The following PARP8 variants were observed in gnomAD, a reference collection of about 807,000 sequenced individuals.
PARP8 encodes the protein poly(ADP-ribose) polymerase family member 8.
PARP8 carries 51 observed loss-of-function variants against 124.1 expected under a neutral mutation model. That is an observed-to-expected ratio of 0.41 (90% CI 0.33 to 0.52). The LOEUF is 0.52. Ranked by LOEUF, PARP8 falls within the 20% of genes least tolerant of loss-of-function variation. The pLI, the probability that PARP8 is intolerant of heterozygous loss-of-function variation, is 0.21. For synonymous variants in PARP8, 391 were observed against 361.5 expected (o/e 1.08, Z -0.93); for missense variants, 860 against 1,018.9 (o/e 0.84, Z 2.12).
At chr5:50,742,788 C>G (rs1361893795) in intron 2 of PARP8, among the ~76,000 whole-genome samples, 1 of 152,150 alleles carries the variant, frequency 6.6e-6, no homozygotes, top group African/African-American at 2.4e-5. Context: ...GAGCCCAGGT[C>G]CAGGAGCTGA....
intron 7 of PARP8, among the ~76,000 whole-genome samples, chr5:50,777,790 A>G (rs1306113571): frequency 5.3e-5 from 8 of 152,194 alleles, no homozygotes; most frequent in Admixed American, 5.2e-4. Flanking sequence ...CTAATTTGCC[A>G]CAGAAAACGG....
chr5:50,755,395 A>C (rs1197923037), intron 3 of PARP8, among the ~76,000 whole-genome samples: 2 of 152,200 alleles, frequency 1.3e-5, no homozygotes, highest in African/African-American at 4.8e-5. Flanking sequence ...AGCTTTCCAC[A>C]TATGGCTAGC....
intron 18 of PARP8, among the ~76,000 whole-genome samples, chr5:50,826,242 AT>A (rs1373655594): frequency 6.6e-6 from 1 of 151,798 alleles, no homozygotes. Flanking sequence ...CTTCAATTTA[AT>A]TTTTTTCAAC....
intron 2 of PARP8, among the ~76,000 whole-genome samples, chr5:50,731,345 T>C (rs567993667): frequency 1.3e-5 from 2 of 152,330 alleles, no homozygotes; most frequent in African/African-American, 4.8e-5. Flanking sequence ...TCTTTTGCTC[T>C]TCTGTCCAAA....
At chr5:50,747,928 G>A (rs780831654) in intron 2 of PARP8, among the ~76,000 whole-genome samples, 36 of 151,100 alleles carry the variant, frequency 2.4e-4, no homozygotes, top group Non-Finnish European at 3.7e-4. Flanking sequence ...GCCTGCCACC[G>A]CGCCCGGCTA....
chr5:50,811,088 C>T (rs1744383807), intron 14 of PARP8, among the ~76,000 whole-genome samples: 1 of 152,030 alleles, frequency 6.6e-6, no homozygotes, highest in South Asian at 2.1e-4. Context: ...GCAGAATATA[C>T]CTAGAAATCT....
At chr5:50,813,654 C>G (rs1580430699) in intron 14 of PARP8, among the ~76,000 whole-genome samples, 2 of 152,132 alleles carry the variant, frequency 1.3e-5, no homozygotes, top group East Asian at 3.9e-4. Context: ...TGAGAGAGGG[C>G]ATCCCTGTCT....
chr5:50,682,192 T>A (rs1437111048), intron 2 of PARP8, among the ~76,000 whole-genome samples: 1 of 152,130 alleles, frequency 6.6e-6, no homozygotes, highest in Non-Finnish European at 1.5e-5. Flanking sequence ...ATTGGAAACT[T>A]GTTTTCCCAA....
intron 14 of PARP8, among the ~76,000 whole-genome samples, chr5:50,807,563 A>G (rs1397290558): frequency 6.6e-6 from 1 of 152,156 alleles, no homozygotes; most frequent in East Asian, 1.9e-4. Flanking sequence ...TTGAAAAACA[A>G]TAAAACAAGG....
At chr5:50,731,121 G>A (rs112742236) in intron 2 of PARP8, among the ~76,000 whole-genome samples, 2,004 of 152,326 alleles carry the variant, frequency 0.013, 14 homozygotes, top group Non-Finnish European at 0.021. Context: ...GTTCCGCATG[G>A]AATTGAATGA....
At chr5:50,787,279 A>G (rs1446713941) in intron 9 of PARP8, among the ~76,000 whole-genome samples, 4 of 152,152 alleles carry the variant, frequency 2.6e-5, no homozygotes, top group Admixed American at 6.5e-5. Flanking sequence ...CTCTTTGACC[A>G]GTTGATCCTG....
chr5:50,810,268 A>G (rs1744292496), intron 14 of PARP8, among the ~76,000 whole-genome samples: 1 of 152,024 alleles, frequency 6.6e-6, no homozygotes, highest in South Asian at 2.1e-4. Context: ...AAGAATAGGT[A>G]GTATTTTACA....
intron 12 of PARP8, 51 bp from the exon 13 acceptor site, chr5:50,796,931 C>A: frequency 6.8e-7 from 1 of 1,462,276 alleles, no homozygotes; most frequent in South Asian, 1.2e-5. Context: ...GTAATTTATA[C>A]ATTTTTACAT....
intron 2 of PARP8, among the ~76,000 whole-genome samples, chr5:50,707,442 A>G (rs1372678592): frequency 6.6e-6 from 1 of 152,092 alleles, no homozygotes; most frequent in Non-Finnish European, 1.5e-5. Flanking sequence ...CTTGACAGCT[A>G]CCTAGAATTC....
At chr5:50,797,082 G>T in intron 13 of PARP8, 50 bp downstream of exon 13, 2 of 1,609,058 alleles carry the variant, frequency 1.2e-6, no homozygotes, top group Non-Finnish European at 1.7e-6. Flanking sequence ...TTCTTACGGG[G>T]TTTTTAAATC....
intron 14 of PARP8, among the ~76,000 whole-genome samples, chr5:50,807,020 ATTCTATTTTATTACAT>A (rs1743920439): frequency 6.6e-6 from 1 of 151,880 alleles, no homozygotes; most frequent in South Asian, 2.1e-4. Flanking sequence ...TTCTATGCCT[ATTCTATTTTATTACAT>A]TTGCATTTGT....
intron 15 of PARP8, among the ~76,000 whole-genome samples, chr5:50,818,108 A>G (rs1561425469): frequency 1.3e-5 from 2 of 151,786 alleles, no homozygotes; most frequent in African/African-American, 2.4e-5. Flanking sequence ...AGCATGCATC[A>G]TATATACTAA....
chr5:50,813,977 T>G (rs1044530654), intron 14 of PARP8, among the ~76,000 whole-genome samples: 8 of 152,112 alleles, frequency 5.3e-5, no homozygotes, highest in African/African-American at 1.9e-4. Flanking sequence ...AAAGTGATGG[T>G]TATTCTAAAA....
intron 2 of PARP8, among the ~76,000 whole-genome samples, chr5:50,677,714 T>A (rs1750793211): frequency 6.6e-6 from 1 of 152,202 alleles, no homozygotes; most frequent in South Asian, 2.1e-4. Flanking sequence ...CAATATTTGA[T>A]GTCTTACATG....
Sources: allele counts gnomAD v4.1 joint callset (sites outside exome capture counted in the v4.1 genomes callset), GRCh38; gene constraint gnomAD v4.1.1; transcripts MANE v1.5; gene names NCBI Gene and HGNC (gene_info 2026-07-23, HGNC 2026-07-21).